Variants in LINC00237 observed in about 807,000 individuals in gnomAD.
LINC00237 encodes the protein long intergenic non-protein coding RNA 237.
intron 1 of LINC00237, among the ~76,000 whole-genome samples, chr20:21,104,459 C>A (rs1169776288): frequency 6.6e-6 from 1 of 152,228 alleles, no homozygotes; most frequent in Non-Finnish European, 1.5e-5. Flanking sequence ...TCCATAAATC[C>A]TCTTTAGTTA....
At chr20:21,091,760 C>T (rs868191507) in intron 2 of LINC00237, among the ~76,000 whole-genome samples, 1 of 152,084 alleles carries the variant, frequency 6.6e-6, no homozygotes, top group African/African-American at 2.4e-5. Context: ...TGCCAAGAAA[C>T]TTGCCTTTAT....
chr20:21,098,206 A>G (rs932516844), intron 1 of LINC00237, among the ~76,000 whole-genome samples: 15 of 152,326 alleles, frequency 9.8e-5, no homozygotes, highest in African/African-American at 3.4e-4. Flanking sequence ...CCATTTAAGA[A>G]AAGAAATGTT....
At chr20:21,099,698 G>A (rs1193654949) in intron 1 of LINC00237, among the ~76,000 whole-genome samples, 1 of 152,138 alleles carries the variant, frequency 6.6e-6, no homozygotes, top group Non-Finnish European at 1.5e-5. Flanking sequence ...ATTACTTAAT[G>A]ATAATTACTT....
chr20:21,103,141 G>C (rs2122184772), intron 1 of LINC00237, among the ~76,000 whole-genome samples: 1 of 152,388 alleles, frequency 6.6e-6, no homozygotes, highest in East Asian at 1.9e-4. Flanking sequence ...CCCCAAACCG[G>C]AGGCGCTGTC....
chr20:21,102,907 C>A (rs368484504), intron 1 of LINC00237, among the ~76,000 whole-genome samples: 1 of 152,216 alleles, frequency 6.6e-6, no homozygotes, highest in Non-Finnish European at 1.5e-5. Flanking sequence ...GCCTCTCTCT[C>A]CCTCTGGACT....
chr20:21,103,542 C>A (rs1279747472), intron 1 of LINC00237, among the ~76,000 whole-genome samples: 1 of 152,144 alleles, frequency 6.6e-6, no homozygotes, highest in Non-Finnish European at 1.5e-5. Flanking sequence ...CAATTTGAAC[C>A]GGCTGGGTGT....
At chr20:21,087,714 A>G (rs1321253971) in intron 3 of LINC00237, 1 of 152,148 alleles carries the variant, frequency 6.6e-6, no homozygotes, top group Admixed American at 6.6e-5. Flanking sequence ...TTAATTCTTA[A>G]ATTACCATTT....
At chr20:21,094,633 G>A (rs1568885472) in intron 1 of LINC00237, among the ~76,000 whole-genome samples, 1 of 152,172 alleles carries the variant, frequency 6.6e-6, no homozygotes, top group Non-Finnish European at 1.5e-5. Context: ...CCCATTCCAT[G>A]TAGCTCTTCC....
chr20:21,098,554 G>A (rs1296331493), intron 1 of LINC00237, among the ~76,000 whole-genome samples: 1 of 152,218 alleles, frequency 6.6e-6, no homozygotes, highest in Non-Finnish European at 1.5e-5. Flanking sequence ...TGAAGGGCTT[G>A]CCTGTATTTA....
chr20:21,099,715 C>T (rs1224215749), intron 1 of LINC00237, among the ~76,000 whole-genome samples: 1 of 152,162 alleles, frequency 6.6e-6, no homozygotes, highest in Non-Finnish European at 1.5e-5. Flanking sequence ...ACTTATTTTA[C>T]ACGTTGTCGT....
Position 21,101,866 on chromosome 20 carries a change from C to T in LINC00237, n.88+4405G>A, listed in dbSNP as rs1057339182. 4.7e-5 allele frequency among the ~76,000 whole-genome samples: 7 copies of T among 150,370 alleles called. No homozygotes were observed. The South Asian group carries it at 1.3e-3, about 28-fold the overall frequency. On this transcript the variant is annotated intron_variant and non_coding_transcript_variant, in intron 1 of 3. Transcript: ENST00000691244. This position sits in a 1 kb window ranked among gnomAD's most constrained non-coding sequence, Gnocchi z 4.3. The stretch of plus-strand genomic sequence containing the variant: ...CAGGGGCCAGAGGCTGGCGGGGGCA[C>T]GCGGGGGTGGTTGGGGGCGGAGTGC...
chr20:21,088,551 C>G (rs949000873), intron 2 of LINC00237, among the ~76,000 whole-genome samples: 1 of 152,126 alleles, frequency 6.6e-6, no homozygotes, highest in Admixed American at 6.6e-5. Context: ...TAATTTCAAC[C>G]TCATAACAGC....
At chr20:21,091,568 C>T (rs1049706310) in intron 2 of LINC00237, among the ~76,000 whole-genome samples, 1 of 152,140 alleles carries the variant, frequency 6.6e-6, no homozygotes, top group Non-Finnish European at 1.5e-5. Flanking sequence ...TTTAATGATG[C>T]TGAGAATTGA....
At chr20:21,087,481 C>A (rs2030729743) in intron 3 of LINC00237, 1 of 152,006 alleles carries the variant, frequency 6.6e-6, no homozygotes, top group Admixed American at 6.6e-5. Context: ...TGAGGAAGGA[C>A]AAAGAAGAAG....
intron 2 of LINC00237, among the ~76,000 whole-genome samples, chr20:21,090,746 T>C (rs1011450491): frequency 1.3e-5 from 2 of 152,288 alleles, no homozygotes; most frequent in Admixed American, 1.3e-4. Flanking sequence ...CCTTGCTCCC[T>C]GCTCTCCATG....
At chr20:21,104,826 CACAG>C (rs2030976915) in intron 1 of LINC00237, among the ~76,000 whole-genome samples, 2 of 152,184 alleles carry the variant, frequency 1.3e-5, no homozygotes, top group Admixed American at 6.5e-5. Context: ...AGAGGACACA[CACAG>C]ACAGACACAC....
At chr20:21,086,110 A>G (rs911810852) in intron 3 of LINC00237, among the ~76,000 whole-genome samples, 2 of 152,222 alleles carry the variant, frequency 1.3e-5, no homozygotes, top group Admixed American at 1.3e-4. Context: ...AGAAGGAGAC[A>G]TTATTTTTAT....
chr20:21,105,824 C>G (rs1410490690), intron 1 of LINC00237, among the ~76,000 whole-genome samples: 1 of 152,182 alleles, frequency 6.6e-6, no homozygotes, highest in Middle Eastern at 3.2e-3. Flanking sequence ...CCTCTTCCCC[C>G]GGACCTGCCT....
At chr20:21,100,051 C>T (rs1319634050) in intron 1 of LINC00237, among the ~76,000 whole-genome samples, 1 of 152,174 alleles carries the variant, frequency 6.6e-6, no homozygotes, top group African/African-American at 2.4e-5. Context: ...TCAATTACCC[C>T]GCCCGCAGTG....
Sources: gnomAD v4.1 joint callset for allele counts (sites outside exome capture counted in the v4.1 genomes callset) on GRCh38, gnomAD v4.1.1 for gene constraint, Gnocchi (gnomAD v3.1) non-coding constraint, MANE v1.5 for transcripts, NCBI Gene and HGNC (gene_info 2026-07-23, HGNC 2026-07-21) for gene names.